The following USH2A variants were observed in gnomAD, a reference collection of about 807,000 sequenced individuals.
USH2A encodes usherin, also known as Usher syndrome 2A (autosomal recessive, mild).
In USH2A, 443 loss-of-function variants were observed where a neutral mutation model predicts 538.9. The ratio of observed to expected loss-of-function variants is 0.82; its 90% CI spans 0.76 to 0.89. The LOEUF is 0.89. Ranked by LOEUF, USH2A falls within the 40% of genes least tolerant of loss-of-function variation. USH2A has a pLI of 0.00. For missense variants in USH2A, 6,633 were observed against 6,324.8 expected, an observed-to-expected ratio of 1.05 and a Z score of -1.65; for synonymous variants, 2,413 against 2,273.5, an observed-to-expected ratio of 1.06 and a Z score of -1.75.
chr1:215,938,253 C>T (rs1228194729), intron 37 of USH2A, among the ~76,000 whole-genome samples: 2 of 152,026 alleles, frequency 1.3e-5, no homozygotes, highest in African/African-American at 2.4e-5. Context: ...ATTCACAGAC[C>T]TAGAGTAACT....
At chr1:215,759,533 G>T (rs1660916454) in intron 57 of USH2A, 127 bp downstream of exon 57, 2 of 1,145,540 alleles carry the variant, frequency 1.7e-6, no homozygotes, top group African/African-American at 3.1e-5. Flanking sequence ...ATCAGTTATT[G>T]AATGGCCAAT....
At chr1:216,193,100 A>G (rs938884863) in intron 19 of USH2A, among the ~76,000 whole-genome samples, 4 of 152,102 alleles carry the variant, frequency 2.6e-5, no homozygotes, top group Admixed American at 1.3e-4. Context: ...CAACTACTAT[A>G]ATATAAGTAA....
chr1:215,799,659 C>T (rs539352315), intron 49 of USH2A, among the ~76,000 whole-genome samples: 1 of 152,116 alleles, frequency 6.6e-6, no homozygotes, highest in African/African-American at 2.4e-5. Flanking sequence ...CTACATTTCT[C>T]TTCACATGAC....
At chr1:215,869,415 G>A (rs1043965808) in intron 43 of USH2A, among the ~76,000 whole-genome samples, 10 of 152,172 alleles carry the variant, frequency 6.6e-5, no homozygotes, top group Admixed American at 1.3e-4. Flanking sequence ...TTTTCTAGCA[G>A]AGGGAATAGA....
At chr1:215,827,035 A>G (rs1663177507) in intron 47 of USH2A, among the ~76,000 whole-genome samples, 1 of 152,186 alleles carries the variant, frequency 6.6e-6, no homozygotes, top group African/African-American at 2.4e-5. Context: ...TAACTTGTGA[A>G]TCTCATGGTT....
At chr1:216,246,271 A>G (rs939082078) in intron 13 of USH2A, among the ~76,000 whole-genome samples, 2 of 152,084 alleles carry the variant, frequency 1.3e-5, no homozygotes, top group Admixed American at 1.3e-4. Context: ...AATAAAATTG[A>G]CTCTTGTTGA....
chr1:216,423,085 T>C (rs1456169341), intron 1 of USH2A, 129 bp downstream of exon 1: 4 of 152,176 alleles, frequency 2.6e-5, no homozygotes, highest in Non-Finnish European at 4.4e-5. Context: ...CCCAACACCA[T>C]CTGTCTGTCC....
intron 46 of USH2A, among the ~76,000 whole-genome samples, chr1:215,841,524 C>T (rs866679982): frequency 3.9e-5 from 6 of 152,128 alleles, no homozygotes; most frequent in African/African-American, 1.4e-4. Context: ...CCCTTCCTTA[C>T]ATCTTATACA....
intron 71 of USH2A, 21 bp from the exon 72 acceptor site, chr1:215,625,891 C>T (rs760479881): frequency 1.9e-6 from 3 of 1,586,788 alleles, no homozygotes; most frequent in Non-Finnish European, 8.7e-7. Context: ...AGCCAATCAT[C>T]ATTGGCTACA....
chr1:215,884,945 C>T (rs943351206), intron 41 of USH2A, among the ~76,000 whole-genome samples: 10 of 152,142 alleles, frequency 6.6e-5, no homozygotes, highest in African/African-American at 2.4e-4. Context: ...CTATTTTATT[C>T]TGCTTCACCT....
At chr1:215,885,141 G>A (rs942608773) in intron 41 of USH2A, among the ~76,000 whole-genome samples, 2 of 151,314 alleles carry the variant, frequency 1.3e-5, no homozygotes, top group East Asian at 3.9e-4. Context: ...TCCCATTTAA[G>A]TACCTTCTTC....
intron 21 of USH2A, among the ~76,000 whole-genome samples, chr1:216,112,987 G>T (rs2032911735): frequency 6.6e-6 from 1 of 151,566 alleles, no homozygotes; most frequent in Admixed American, 6.6e-5. Context: ...GGGATTGCTG[G>T]GTCAAATGGT....
intron 21 of USH2A, among the ~76,000 whole-genome samples, chr1:216,140,416 A>G (rs1209735790): frequency 6.6e-6 from 1 of 152,188 alleles, no homozygotes; most frequent in Non-Finnish European, 1.5e-5. Flanking sequence ...ACATCTGTAT[A>G]TTTTAACACA....
At chr1:215,679,684 T>G (rs1571952982) in intron 62 of USH2A, among the ~76,000 whole-genome samples, 1 of 152,244 alleles carries the variant, frequency 6.6e-6, no homozygotes, top group Non-Finnish European at 1.5e-5. Context: ...AGCAGACACC[T>G]GTGGCTTGCT....
chr1:215,972,823 T>C (rs1278434439), intron 35 of USH2A, among the ~76,000 whole-genome samples: 2 of 152,184 alleles, frequency 1.3e-5, no homozygotes, highest in African/African-American at 4.8e-5. Flanking sequence ...TATCTGTTTT[T>C]CTTTATTTCT....
At chr1:216,391,804 C>G (rs1049991891) in intron 3 of USH2A, among the ~76,000 whole-genome samples, 9 of 152,346 alleles carry the variant, frequency 5.9e-5, no homozygotes, top group Admixed American at 5.2e-4. Context: ...CAAGTAGATT[C>G]TGCTGGTGCC....
intron 4 of USH2A, among the ~76,000 whole-genome samples, chr1:216,358,225 G>A (rs989511128): frequency 2.6e-5 from 4 of 152,034 alleles, no homozygotes; most frequent in African/African-American, 9.7e-5. Flanking sequence ...TTACTTTCTG[G>A]GTGCAGAAAC....
Position 216,250,992 on chromosome 1 carries a change from G to A in USH2A, c.2078C>T (p.Pro693Leu), listed in dbSNP as rs866495758. The A allele has an allele frequency of 6.2e-7, 1 of 1,613,960 alleles. No individual in the cohort carries two copies. The highest frequency in any genetic ancestry group is 1.7e-5 in the Admixed American group (1 of 60,004). The change falls in exon 12 of 72, where the codon CCC becomes CTC. Residue 693 changes from proline to leucine, a missense_variant. By Grantham distance (98) the Pro-to-Leu change is moderately conservative. Coordinates refer to ENST00000307340, the MANE Select transcript of USH2A (RefSeq NM_206933.4). The stretch of plus-strand genomic sequence containing the variant: ...TGTCCCAGAGGTATTGCAGTTACAG[G>A]GACTGCAGCCATCAGGATCCAACTC... Reference protein sequence around the residue: ...LQELDPDGCSPCNCNTSGTVD... With the variant: ...LQELDPDGCSLCNCNTSGTVD...
At chr1:216,384,427 A>T (rs1435026821) in intron 3 of USH2A, among the ~76,000 whole-genome samples, 1 of 152,206 alleles carries the variant, frequency 6.6e-6, no homozygotes, top group Non-Finnish European at 1.5e-5. Flanking sequence ...TATTTTGCCC[A>T]TAAAATTAGA....
Sources: allele counts gnomAD v4.1 joint callset (sites outside exome capture counted in the v4.1 genomes callset), GRCh38; gene constraint gnomAD v4.1.1; transcripts MANE v1.5; gene names NCBI Gene and HGNC (gene_info 2026-07-23, HGNC 2026-07-21).